Variants in RAB3IP observed in about 807,000 individuals in gnomAD.
The protein encoded by RAB3IP is rab-3A-interacting protein.
A neutral mutation model predicts 59.1 loss-of-function variants in RAB3IP; 36 were observed. The ratio of observed to expected loss-of-function variants is 0.61; its 90% confidence interval spans 0.47 to 0.80. RAB3IP has a LOEUF of 0.80. RAB3IP is among the 30% of genes least tolerant of loss of function. The probability of loss-of-function intolerance (pLI) is 0.00; values close to 1 mark genes in which losing one functional copy is unlikely to be tolerated. For synonymous variants in RAB3IP, 207 were observed against 191.2 expected (o/e 1.08, Z -0.68); for missense variants, 511 against 536.0 (o/e 0.95, Z 0.46).
At chr12:69,813,571 C>T (rs1880764723) in intron 10 of RAB3IP, among the ~76,000 whole-genome samples, 1 of 151,966 alleles carries the variant, frequency 6.6e-6, no homozygotes, top group Admixed American at 6.6e-5. Flanking sequence ...CCAGGAGAAC[C>T]AACCTCATGA....
intron 1 of RAB3IP, among the ~76,000 whole-genome samples, chr12:69,751,262 C>T (rs532823545): frequency 9.2e-5 from 14 of 152,048 alleles, no homozygotes; most frequent in African/African-American, 1.7e-4. Flanking sequence ...AGTGGGAGTC[C>T]GTTTGATATC....
intron 3 of RAB3IP, among the ~76,000 whole-genome samples, chr12:69,783,695 T>TA (rs1565901886): frequency 6.6e-6 from 1 of 152,246 alleles, no homozygotes; most frequent in African/African-American, 2.4e-5. Flanking sequence ...TCTCCAAAGA[T>TA]AGAGTCCTGT....
chr12:69,784,621 G>A, intron 3 of RAB3IP, 99 bp from the exon 4 acceptor site: 1 of 487,668 alleles, frequency 2.1e-6, no homozygotes, highest in Non-Finnish European at 3.5e-6. Flanking sequence ...AGAAGTGACA[G>A]TATTCATATT....
intron 3 of RAB3IP, among the ~76,000 whole-genome samples, chr12:69,768,948 C>T (rs1872666438): frequency 6.6e-6 from 1 of 152,002 alleles, no homozygotes; most frequent in African/African-American, 2.4e-5. Flanking sequence ...TCTTGAATTC[C>T]CATGTGTTGT....
chr12:69,801,227 A>G (rs376816006), intron 7 of RAB3IP, among the ~76,000 whole-genome samples: 199 of 152,348 alleles, frequency 1.3e-3, no homozygotes, highest in African/African-American at 4.6e-3. Context: ...ATTAATATAT[A>G]TTGCTGTGGT....
At chr12:69,745,034 TA>T (rs1189302411) in intron 1 of RAB3IP, among the ~76,000 whole-genome samples, 1 of 152,208 alleles carries the variant, frequency 6.6e-6, no homozygotes, top group African/African-American at 2.4e-5. Context: ...CACTATAAAT[TA>T]TGGAGAGTTT....
chr12:69,814,709 C>A (rs545934634), intron 10 of RAB3IP, among the ~76,000 whole-genome samples: 2 of 152,042 alleles, frequency 1.3e-5, no homozygotes, highest in South Asian at 4.2e-4. Context: ...TGATTGAGAA[C>A]CATTGATCTA....
intron 1 of RAB3IP, 62 bp downstream of exon 1, chr12:69,739,093 C>T (rs1886981003): frequency 6.6e-6 from 1 of 151,970 alleles, no homozygotes; most frequent in Non-Finnish European, 1.5e-5. Context: ...TCGGCGCCCG[C>T]GCGCCCGCCT....
At chr12:69,750,405 A>T (rs1469853045) in intron 1 of RAB3IP, among the ~76,000 whole-genome samples, 1 of 152,216 alleles carries the variant, frequency 6.6e-6, no homozygotes, top group Non-Finnish European at 1.5e-5. Flanking sequence ...CCATTATGCC[A>T]TTATTATCCC....
In RAB3IP at chr12:69,818,560, A is replaced by G. The variant is rs1881380023; in HGVS notation, c.*3114A>G. 6.6e-6 allele frequency: 1 copy of G among 152,226 alleles called. No homozygotes were observed. The highest frequency in any genetic ancestry group is 2.4e-5 in the African/African-American group (1 of 41,458). The allele number at this position is 152,226 out of a possible 1,614,324, so 9.4% of individuals were successfully genotyped here. On this transcript the variant is annotated 3_prime_UTR_variant, in exon 11 of 11. Transcript: ENST00000247833. The stretch of plus-strand genomic sequence containing the variant: ...CACACATATAAGAATGTTCTGGAAT[A>G]AATTAAAATGTCTATTTTTAGGAAG...
chr12:69,783,530 G>C (rs534123717), intron 3 of RAB3IP, among the ~76,000 whole-genome samples: 2 of 151,904 alleles, frequency 1.3e-5, no homozygotes, highest in Non-Finnish European at 2.9e-5. Flanking sequence ...TCTTTGTTAC[G>C]TACTCCTCTA....
At chr12:69,783,927 T>C (rs187426308) in intron 3 of RAB3IP, among the ~76,000 whole-genome samples, 1 of 152,316 alleles carries the variant, frequency 6.6e-6, no homozygotes, top group African/African-American at 2.4e-5. Context: ...TTAGGAGTTA[T>C]CTTTGGGGGA....
intron 1 of RAB3IP, among the ~76,000 whole-genome samples, chr12:69,747,447 G>A (rs768043943): frequency 2.4e-4 from 36 of 152,146 alleles, no homozygotes; most frequent in East Asian, 3.9e-4. Flanking sequence ...GACCACAGGC[G>A]TATGCCACCA....
chr12:69,747,920 C>T (rs1362347356), intron 1 of RAB3IP, among the ~76,000 whole-genome samples: 1 of 152,174 alleles, frequency 6.6e-6, no homozygotes, highest in Admixed American at 6.5e-5. Context: ...GATGCTTCTA[C>T]TCTGCTGTGT....
At chr12:69,806,833 T>C (rs370362233) in intron 8 of RAB3IP, among the ~76,000 whole-genome samples, 3 of 152,138 alleles carry the variant, frequency 2.0e-5, no homozygotes, top group South Asian at 2.1e-4. Flanking sequence ...CATCTTGCAC[T>C]GCCCTTAATC....
chr12:69,810,537 G>A (rs895154226), intron 8 of RAB3IP, among the ~76,000 whole-genome samples: 3 of 152,198 alleles, frequency 2.0e-5, no homozygotes, highest in African/African-American at 7.2e-5. Context: ...ATAAAAACTG[G>A]TTTAGGTTTT....
chr12:69,822,180 T>C lies in RAB3IP; in HGVS notation c.*6734T>C, dbSNP rs1466711. The C allele has an allele frequency of 0.77, 117,701 of 152,022 alleles. 45,671 individuals carry two copies. The highest frequency in any genetic ancestry group is 0.88 in the East Asian group (4,557 of 5,182). 9.4% of individuals were successfully genotyped at this position (152,022 alleles called of 1,614,324 possible). A position where few individuals can be genotyped will look rare whatever the true frequency, so the allele number is the denominator to read the frequency against. ...TTTAGGCATCTTAATTCATATTTTA[T>C]CTAAAGGCATATAAATCCTTAAAAA... is the stretch of plus-strand genomic sequence containing the variant. On this transcript the variant is annotated 3_prime_UTR_variant, in exon 11 of 11. Coordinates refer to ENST00000247833, the MANE Select transcript of RAB3IP (RefSeq NM_022456.5).
chr12:69,754,357 A>C (rs899065594), intron 1 of RAB3IP, among the ~76,000 whole-genome samples: 11 of 151,818 alleles, frequency 7.2e-5, no homozygotes, highest in Non-Finnish European at 1.2e-4. Flanking sequence ...ACACACACAC[A>C]CACACACACA....
At chr12:69,808,684 G>A (rs1490891204) in intron 8 of RAB3IP, among the ~76,000 whole-genome samples, 9 of 152,074 alleles carry the variant, frequency 5.9e-5, no homozygotes, top group Admixed American at 3.3e-4. Context: ...GATCTTTGTT[G>A]GTTTAAAGTC....
Sources: allele counts gnomAD v4.1 joint callset (sites outside exome capture counted in the v4.1 genomes callset), GRCh38; gene constraint gnomAD v4.1.1; transcripts MANE v1.5; gene names NCBI Gene and HGNC (gene_info 2026-07-23, HGNC 2026-07-21).